Variants in CNTNAP2 observed in about 807,000 individuals in gnomAD.
The protein encoded by CNTNAP2 is contactin associated protein 2.
CNTNAP2 carries 98 observed loss-of-function variants against 155.2 expected under a neutral mutation model. The ratio of observed to expected loss-of-function variants is 0.63; its 90% CI spans 0.54 to 0.75. CNTNAP2 has a LOEUF of 0.75. Among genes scored for constraint, CNTNAP2 ranks in the 30% least tolerant of loss-of-function variants. CNTNAP2 has a pLI of 0.00. For missense variants in CNTNAP2, 1,727 were observed against 1,688.1 expected (o/e 1.02, Z -0.40); for synonymous variants, 651 against 631.2 (o/e 1.03, Z -0.47).
rs553801846 is a variant in CNTNAP2, at chr7:146,867,878, T to A, written c.402+27974T>A. Reference sequence around the variant, plus strand: ...CACTTTTTAATGGAGTCGTTTGTTTTTCTCTCATAAATTTTAAGTTTCTTA... The same window carrying A: ...CACTTTTTAATGGAGTCGTTTGTTTATCTCTCATAAATTTTAAGTTTCTTA... On this transcript the variant is annotated intron_variant, in intron 3 of 23. Coordinates refer to ENST00000361727, the MANE Select transcript of CNTNAP2 (RefSeq NM_014141.6). 2.6e-5 allele frequency among the ~76,000 whole-genome samples: 4 copies of A among 152,184 alleles called. No homozygotes were observed. In the East Asian group the frequency reaches 7.7e-4, roughly 29 times the overall value.
intron 18 of CNTNAP2, among the ~76,000 whole-genome samples, chr7:148,196,374 G>A (rs1269982955): frequency 2.6e-5 from 4 of 152,118 alleles, no homozygotes; most frequent in East Asian, 3.9e-4. Flanking sequence ...AGAAGAGTTC[G>A]CTGCAGCAGG....
At chr7:147,059,433 ATTTT>A (rs11365544) in intron 4 of CNTNAP2, among the ~76,000 whole-genome samples, 33,587 of 140,218 alleles carry the variant, frequency 0.24, 4,824 homozygotes, top group African/African-American at 0.41. Flanking sequence ...GATAATTCTG[ATTTT>A]TTTTTTTTTT....
chr7:147,638,480 A>G (rs1795218823), intron 12 of CNTNAP2, among the ~76,000 whole-genome samples: 1 of 152,188 alleles, frequency 6.6e-6, no homozygotes, highest in African/African-American at 2.4e-5. Context: ...AACCTTATCT[A>G]TTTTATATCT....
intron 1 of CNTNAP2, among the ~76,000 whole-genome samples, chr7:146,340,441 A>T (rs1801362491): frequency 6.6e-6 from 1 of 151,886 alleles, no homozygotes; most frequent in African/African-American, 2.4e-5. Context: ...GAAAGAAAAC[A>T]GAATGCTAAA....
At chr7:146,930,170 G>A (rs1243358740) in intron 3 of CNTNAP2, among the ~76,000 whole-genome samples, 1 of 152,180 alleles carries the variant, frequency 6.6e-6, no homozygotes, top group African/African-American at 2.4e-5. Context: ...AGGAAAAAAT[G>A]TTAAGGGCAG....
At chr7:146,702,359 C>T (rs1027843687) in intron 1 of CNTNAP2, among the ~76,000 whole-genome samples, 3 of 151,850 alleles carry the variant, frequency 2.0e-5, no homozygotes, top group African/African-American at 7.3e-5. Flanking sequence ...TTTAGAAAAG[C>T]GTTCTATAGA....
rs563580173 is a variant in CNTNAP2, at chr7:146,613,390, A to G, written c.98-160881A>G. On this transcript the variant is annotated intron_variant, in intron 1 of 23. Coordinates refer to ENST00000361727, the MANE Select transcript of CNTNAP2 (RefSeq NM_014141.6). The stretch of plus-strand genomic sequence containing the variant: ...TAAGTCTTCATGATTTATTCATCAT[A>G]CATAACATTTTGTTCATTTGACTTT... Among the ~76,000 whole-genome samples, 7 of 152,324 alleles carry G rather than the reference A, an allele frequency of 4.6e-5. No individual in the cohort carries two copies. In the South Asian group the frequency reaches 1.4e-3, roughly 32 times the overall value.
chr7:146,929,259 G>C (rs185307218), intron 3 of CNTNAP2, among the ~76,000 whole-genome samples: 1 of 152,282 alleles, frequency 6.6e-6, no homozygotes, highest in Non-Finnish European at 1.5e-5. Context: ...GGAATGATCA[G>C]ACAGCAGCAT....
chr7:148,409,330 C>A, intron 22 of CNTNAP2, 61 bp from the exon 23 acceptor site: 2 of 1,303,964 alleles, frequency 1.5e-6, no homozygotes, highest in South Asian at 2.4e-5. Context: ...AAATAGGTAT[C>A]AAATTATTTG....
At chr7:148,073,919 G>C (rs923489098) in intron 15 of CNTNAP2, among the ~76,000 whole-genome samples, 2 of 152,096 alleles carry the variant, frequency 1.3e-5, no homozygotes, top group African/African-American at 4.8e-5. Context: ...GTTCTGGATG[G>C]CTCACTTCCA....
intron 14 of CNTNAP2, among the ~76,000 whole-genome samples, chr7:147,967,245 C>T (rs1428111737): frequency 6.6e-6 from 1 of 152,086 alleles, no homozygotes; most frequent in East Asian, 1.9e-4. Context: ...GCCAGTAAGG[C>T]AATTTTCCTA....
rs368195878 is a variant in CNTNAP2 at position 147,533,409 on chromosome 7, AACTT to A, written c.1778-28725_1778-28722del. 6.2e-3 allele frequency among the ~76,000 whole-genome samples: 944 copies of A among 152,264 alleles called. 9 individuals are homozygous for A. Among genetic ancestry groups the A allele is most frequent in the African/African-American group, 0.022 (906 of 41,548 alleles). On this transcript the variant is annotated intron_variant, in intron 11 of 23. Transcript: ENST00000361727. ...ACTCTTCCCAGAACTGATTTCCATA[AACTT>A]ACTGAAAATGAGTAGGAAGAAAGAG...
intron 15 of CNTNAP2, among the ~76,000 whole-genome samples, chr7:148,112,744 A>G (rs1804379673): frequency 6.6e-6 from 1 of 152,272 alleles, no homozygotes; most frequent in African/African-American, 2.4e-5. Flanking sequence ...TGGGGAGAAT[A>G]TAGAGAAAGG....
chr7:147,709,048 C>T (rs1525254), intron 13 of CNTNAP2, among the ~76,000 whole-genome samples: 12,257 of 152,112 alleles, frequency 0.081, 842 homozygotes, highest in African/African-American at 0.19. Flanking sequence ...GTTCAAAAAA[C>T]GACCCACCGC....
At chr7:147,695,507 T>A (rs1480228580) in intron 13 of CNTNAP2, among the ~76,000 whole-genome samples, 1 of 152,142 alleles carries the variant, frequency 6.6e-6, no homozygotes, top group African/African-American at 2.4e-5. Flanking sequence ...GCTTTAAGTA[T>A]TTTTACATTC....
intron 11 of CNTNAP2, among the ~76,000 whole-genome samples, chr7:147,514,926 AG>A (rs1369298973): frequency 6.6e-6 from 1 of 152,180 alleles, no homozygotes; most frequent in Non-Finnish European, 1.5e-5. Context: ...TCATCACAGC[AG>A]CCAGTGTGAT....
chr7:148,362,432 CAT>C (rs956830735), intron 21 of CNTNAP2, among the ~76,000 whole-genome samples: 2 of 152,202 alleles, frequency 1.3e-5, no homozygotes, highest in African/African-American at 4.8e-5. Flanking sequence ...GGTAATTTGA[CAT>C]AGCTTTTTGG....
intron 13 of CNTNAP2, among the ~76,000 whole-genome samples, chr7:147,856,960 T>C (rs980709652): frequency 6.6e-6 from 1 of 152,114 alleles, no homozygotes; most frequent in African/African-American, 2.4e-5. Context: ...CCAGGAAAGT[T>C]TGTCACAGCC....
At chr7:146,206,290 G>A (rs1233563844) in intron 1 of CNTNAP2, among the ~76,000 whole-genome samples, 1 of 151,800 alleles carries the variant, frequency 6.6e-6, no homozygotes, top group East Asian at 1.9e-4. Context: ...TAAATTGCTA[G>A]AAGAAAACAA....
Sources: gnomAD v4.1 joint callset for allele counts (sites outside exome capture counted in the v4.1 genomes callset) on GRCh38, gnomAD v4.1.1 for gene constraint, MANE v1.5 for transcripts, NCBI Gene and HGNC (gene_info 2026-07-23, HGNC 2026-07-21) for gene names.